Variants in KDM3A observed in about 807,000 individuals in gnomAD.
KDM3A encodes the protein lysine-specific demethylase 3A.
In KDM3A, 60 loss-of-function variants were observed where a neutral mutation model predicts 158.0. The ratio of observed to expected loss-of-function variants is 0.38; its 90% CI spans 0.31 to 0.47. The LOEUF is 0.47. KDM3A is among the 20% of genes least tolerant of loss of function. The probability of loss-of-function intolerance (pLI) is 0.99; values close to 1 mark genes in which losing one functional copy is unlikely to be tolerated. For synonymous variants in KDM3A, 608 were observed against 549.3 expected, an observed-to-expected ratio of 1.11 and a Z score of -1.49; for missense variants, 1,319 against 1,574.3, an observed-to-expected ratio of 0.84 and a Z score of 2.74.
intron 2 of KDM3A, among the ~76,000 whole-genome samples, chr2:86,444,332 T>C (rs1006066464): frequency 4.6e-5 from 7 of 152,148 alleles, no homozygotes; most frequent in African/African-American, 1.7e-4. Flanking sequence ...TTTGGCTAGG[T>C]TGGATTTTTG....
chr2:86,488,818 A>C (rs1434158815), intron 21 of KDM3A: 1 of 155,842 alleles, frequency 6.4e-6, no homozygotes, highest in African/African-American at 2.4e-5. Context: ...ACTGTGGGGG[A>C]CCTGTCTTTC....
At chr2:86,441,743 G>A (rs1682718713) in intron 1 of KDM3A, among the ~76,000 whole-genome samples, 1 of 150,968 alleles carries the variant, frequency 6.6e-6, no homozygotes, top group African/African-American at 2.4e-5. Context: ...CACTCGAGCC[G>A]CAGATAATTT....
At chr2:86,466,934 T>A in intron 10 of KDM3A, 51 bp downstream of exon 10, 1 of 1,356,924 alleles carries the variant, frequency 7.4e-7, no homozygotes, top group Middle Eastern at 1.9e-4. Flanking sequence ...ATGGTAGATA[T>A]ATATATCTCT....
intron 4 of KDM3A, among the ~76,000 whole-genome samples, 157 bp from the exon 5 acceptor site, chr2:86,454,928 A>G (rs1672622244): frequency 6.6e-6 from 1 of 152,196 alleles, no homozygotes; most frequent in South Asian, 2.1e-4. Context: ...TTTTTGAGCC[A>G]TCTGGTTTAC....
intron 10 of KDM3A, among the ~76,000 whole-genome samples, chr2:86,467,846 C>T (rs2104667671): frequency 6.6e-6 from 1 of 151,904 alleles, no homozygotes. Context: ...CATAGTGAGA[C>T]CCCATCTCCA....
At chr2:86,456,309 T>C (rs1336569940) in intron 5 of KDM3A, 133 bp from the exon 6 acceptor site, 1 of 652,042 alleles carries the variant, frequency 1.5e-6, no homozygotes, top group African/African-American at 1.9e-5. Context: ...CATCTTATGT[T>C]TGTAGTGATT....
intron 10 of KDM3A, 58 bp downstream of exon 10, chr2:86,466,941 C>T (rs1309278150): frequency 3.8e-6 from 5 of 1,316,498 alleles, no homozygotes; most frequent in Middle Eastern, 3.9e-4. Context: ...ATATATATAT[C>T]TCTTTCTTGT....
intron 21 of KDM3A, 56 bp from the exon 22 acceptor site, chr2:86,489,262 A>G: frequency 1.3e-6 from 2 of 1,580,914 alleles, no homozygotes; most frequent in Non-Finnish European, 1.7e-6. Flanking sequence ...GGTAGTGGAA[A>G]GACTGTGGCA....
Position 86,478,278 on chromosome 2 carries a change from C to T in KDM3A, c.2188+13C>T. ...ATTCCTGGAAAAGGTATTTCATGTGCTGCAGTGATTTTCTTTCCCCTTGTC... is the reference window on the plus strand; with the variant it reads ...ATTCCTGGAAAAGGTATTTCATGTGTTGCAGTGATTTTCTTTCCCCTTGTC... On this transcript the variant is annotated intron_variant, in intron 14 of 25. Transcript: ENST00000312912. 3.2e-6 allele frequency: 5 copies of T among 1,574,280 alleles called. No homozygotes were observed. Among genetic ancestry groups the T allele is most frequent in the Non-Finnish European group, 4.4e-6 (5 of 1,144,662 alleles).
chr2:86,474,659 AT>A, intron 11 of KDM3A, 116 bp from the exon 12 acceptor site: 4 of 676,370 alleles, frequency 5.9e-6, no homozygotes, highest in Non-Finnish European at 9.8e-6. Context: ...GCGAGACTCC[AT>A]CCCAAAAAAA....
At chr2:86,457,809 T>C (rs1672768986) in intron 8 of KDM3A, among the ~76,000 whole-genome samples, 3 of 152,206 alleles carry the variant, frequency 2.0e-5, no homozygotes, top group Admixed American at 2.0e-4. Flanking sequence ...AGTGATTGGT[T>C]TGCCATTACT....
intron 2 of KDM3A, among the ~76,000 whole-genome samples, chr2:86,444,285 A>G (rs1682864677): frequency 6.6e-6 from 1 of 152,206 alleles, no homozygotes; most frequent in Non-Finnish European, 1.5e-5. Flanking sequence ...TTTGGTGCCT[A>G]ACCTGAAGAC....
chr2:86,489,706 T>C (rs753400557), intron 23 of KDM3A, 47 bp downstream of exon 23: 1 of 1,561,678 alleles, frequency 6.4e-7, no homozygotes, highest in Admixed American at 1.9e-5. Flanking sequence ...GGAATAGCAA[T>C]ATTATGTTAC....
At chr2:86,447,543 A>G (rs1221294037) in intron 2 of KDM3A, among the ~76,000 whole-genome samples, 1 of 151,664 alleles carries the variant, frequency 6.6e-6, no homozygotes, top group Admixed American at 6.6e-5. Context: ...TGATACCTTG[A>G]TAAGATTTGA....
rs1258196225 is a variant in KDM3A at position 86,474,677 on chromosome 2, AAGT to A, written c.1725-97_1725-95del. 174 of 728,792 alleles carry A rather than the reference AAGT, an allele frequency of 2.4e-4. 2 individuals carry two copies. In the East Asian group the frequency reaches 4.7e-3, roughly 20 times the overall value. 45.1% of individuals were successfully genotyped at this position (728,792 alleles called of 1,614,324 possible). ...AGACTCCATCCCAAAAAAAAAAAAA[AAGT>A]AATTACAAGTTGTAAATAAGTTGTG... is the stretch of plus-strand genomic sequence containing the variant. On this transcript the variant is annotated intron_variant, in intron 11 of 25. Transcript: ENST00000312912.
At chr2:86,470,830 T>A (rs1430304105) in intron 11 of KDM3A, among the ~76,000 whole-genome samples, 2 of 152,204 alleles carry the variant, frequency 1.3e-5, no homozygotes. Flanking sequence ...GATCATAACC[T>A]TTTTCTTTAA....
In KDM3A at chr2:86,478,165, T is replaced by A. The variant is rs745522290; in HGVS notation, c.2093-5T>A. The A allele has an allele frequency of 6.2e-7, 1 of 1,613,574 alleles. No individual in the cohort carries two copies. The highest frequency in any genetic ancestry group is 2.2e-5 in the East Asian group (1 of 44,878). ...GAACAGTTACTACAAATCAGTTATT[T>A]GCAGGTGCTGCTTACAAGACTTTCT... On this transcript the variant is annotated splice_region_variant and splice_polypyrimidine_tract_variant and intron_variant, in intron 13 of 25. Transcript: ENST00000312912.
chr2:86,489,665 C>T lies in KDM3A; in HGVS notation c.3573+6C>T. 2 of 1,607,230 alleles carry T rather than the reference C, an allele frequency of 1.2e-6. No individual in the cohort carries two copies. Among genetic ancestry groups the T allele is most frequent in the South Asian group, 1.1e-5 (1 of 90,258 alleles). ...TAAGGGAATTTCTTAAAAAGGTGTGCTGCTTATGGCATGTGTGAACAGAGG... is the reference window on the plus strand; with the variant it reads ...TAAGGGAATTTCTTAAAAAGGTGTGTTGCTTATGGCATGTGTGAACAGAGG... On this transcript the variant is annotated splice_donor_region_variant and intron_variant, in intron 23 of 25. Transcript: ENST00000312912.
At chr2:86,447,674 T>A (rs1683012801) in intron 2 of KDM3A, among the ~76,000 whole-genome samples, 1 of 152,158 alleles carries the variant, frequency 6.6e-6, no homozygotes, top group Non-Finnish European at 1.5e-5. Context: ...TGAAAAACAT[T>A]GAGAGAACTT....
Sources: allele counts gnomAD v4.1 joint callset (sites outside exome capture counted in the v4.1 genomes callset), GRCh38; gene constraint gnomAD v4.1.1; transcripts MANE v1.5; gene names NCBI Gene and HGNC (gene_info 2026-07-23, HGNC 2026-07-21).